The following CHODL variants were observed in gnomAD, a reference collection of about 807,000 sequenced individuals.
CHODL encodes the protein chondrolectin, also known as transmembrane protein MT75.
In CHODL, 29 loss-of-function variants were observed where a neutral mutation model predicts 34.5. That is an observed-to-expected ratio of 0.84 (90% confidence interval 0.63 to 1.15). The LOEUF (loss-of-function observed/expected upper bound fraction) is 1.15. Ranked by LOEUF, CHODL falls within the 50% of genes most tolerant of loss-of-function variation. CHODL has a pLI of 0.00. For missense variants in CHODL, 332 were observed against 332.5 expected (o/e 1.00, Z 0.01); for synonymous variants, 125 against 116.1 (o/e 1.08, Z -0.49).
chr21:18,215,428 G>GAC (rs1321981207), intron 2 of CHODL, among the ~76,000 whole-genome samples: 3 of 152,124 alleles, frequency 2.0e-5, no homozygotes, highest in Non-Finnish European at 2.9e-5. Flanking sequence ...ACATAGCAGA[G>GAC]AGATATATAA....
In CHODL at chr21:18,260,196, A is replaced by G. The variant is rs202029428; in HGVS notation, c.548-4A>G. The G allele has an allele frequency of 1.7e-5, 25 of 1,485,650 alleles. No individual in the cohort carries two copies. The East Asian group carries it at 5.7e-4, about 34-fold the overall frequency. The allele number at this position is 1,485,650 out of a possible 1,614,324, so 92.0% of individuals were successfully genotyped here. On this transcript the variant is annotated splice_polypyrimidine_tract_variant and splice_region_variant and intron_variant, in intron 3 of 5. Coordinates refer to ENST00000299295, the MANE Select transcript of CHODL (RefSeq NM_024944.3). The stretch of plus-strand genomic sequence containing the variant: ...TATATGATGGTGGTTCTTATTATTT[A>G]CAGAGATTAATCCAACAGCCCCTGT...
chr21:18,233,863 T>C (rs1228884066), intron 2 of CHODL, among the ~76,000 whole-genome samples: 3 of 152,154 alleles, frequency 2.0e-5, no homozygotes, highest in Admixed American at 6.5e-5. Context: ...TTTAAAAGTT[T>C]AAGCCAATAA....
intron 2 of CHODL, among the ~76,000 whole-genome samples, chr21:18,199,152 G>A (rs1235673237): frequency 6.6e-6 from 1 of 152,040 alleles, no homozygotes; most frequent in African/African-American, 2.4e-5. Flanking sequence ...AGATATCATA[G>A]TAACAGAACT....
At chr21:18,177,373 T>C (rs1410812756) in intron 2 of CHODL, among the ~76,000 whole-genome samples, 3 of 152,158 alleles carry the variant, frequency 2.0e-5, no homozygotes, top group Non-Finnish European at 4.4e-5. Flanking sequence ...CAGTTTCTTC[T>C]TACTCTAGAG....
At chr21:18,153,527 C>T (rs980899364) in intron 2 of CHODL, among the ~76,000 whole-genome samples, 1 of 152,050 alleles carries the variant, frequency 6.6e-6, no homozygotes, top group Non-Finnish European at 1.5e-5. Context: ...TTTAATGGCT[C>T]TTCTGCCTTT....
At chr21:18,156,175 A>G (rs1023708025) in intron 2 of CHODL, among the ~76,000 whole-genome samples, 3 of 152,200 alleles carry the variant, frequency 2.0e-5, no homozygotes, top group African/African-American at 7.2e-5. Context: ...GAAATTTTGC[A>G]CGGGTAAAAA....
chr21:18,017,773 C>T (rs1232726502), intron 1 of CHODL, among the ~76,000 whole-genome samples: 1 of 152,218 alleles, frequency 6.6e-6, no homozygotes, highest in East Asian at 1.9e-4. Flanking sequence ...GGGCTGCCAC[C>T]TTCCAGAACC....
intron 2 of CHODL, among the ~76,000 whole-genome samples, chr21:18,234,398 G>A (rs1445868878): frequency 6.6e-6 from 1 of 152,004 alleles, no homozygotes; most frequent in Non-Finnish European, 1.5e-5. Context: ...GGCACAGCTG[G>A]CGTTTAAGCC....
At chr21:18,109,167 ACTTAT>A (rs933235517) in intron 2 of CHODL, among the ~76,000 whole-genome samples, 3 of 152,116 alleles carry the variant, frequency 2.0e-5, no homozygotes, top group African/African-American at 4.8e-5. Context: ...TGTAGGGATG[ACTTAT>A]ATTATTTATT....
chr21:18,125,933 C>T (rs1422708720), intron 2 of CHODL, among the ~76,000 whole-genome samples: 1 of 152,124 alleles, frequency 6.6e-6, no homozygotes, highest in Non-Finnish European at 1.5e-5. Flanking sequence ...AGGTAAAATG[C>T]TATCAAACAG....
intron 2 of CHODL, among the ~76,000 whole-genome samples, chr21:18,048,049 A>ATG (rs1475740093): frequency 6.6e-6 from 1 of 151,886 alleles, no homozygotes; most frequent in African/African-American, 2.4e-5. Context: ...AGCACCTACT[A>ATG]TGTCCTGTGC....
intron 2 of CHODL, among the ~76,000 whole-genome samples, chr21:18,155,856 C>T (rs990796656): frequency 2.6e-5 from 4 of 152,146 alleles, no homozygotes; most frequent in Admixed American, 1.3e-4. Context: ...GCATAAATTG[C>T]TAAGCAATGC....
chr21:18,093,700 C>G (rs2065102618), intron 2 of CHODL, among the ~76,000 whole-genome samples: 1 of 152,006 alleles, frequency 6.6e-6, no homozygotes, highest in Admixed American at 6.6e-5. Context: ...ATTTGGAAGT[C>G]TTGTAGTAAC....
chr21:18,147,317 A>T (rs557785304), intron 2 of CHODL, among the ~76,000 whole-genome samples: 10 of 152,290 alleles, frequency 6.6e-5, no homozygotes, highest in African/African-American at 2.4e-4. Context: ...AGTAGCTAGA[A>T]TCTACCACAT....
In CHODL at chr21:18,059,551, C is replaced by T. The variant is rs552614368; in HGVS notation, c.-45+31580C>T. 6.0e-5 allele frequency among the ~76,000 whole-genome samples: 9 copies of T among 149,408 alleles called. 1 individual carries two copies. The South Asian group carries it at 1.9e-3, about 31-fold the overall frequency. ...TCTGGGGTTACATATGCAGGATGTG[C>T]AGGTTTGTTACATGGGTAAACGTGC... On this transcript the variant is annotated intron_variant, in intron 2 of 6. Transcript: ENST00000400127.
intron 1 of CHODL, among the ~76,000 whole-genome samples, chr21:17,936,907 C>T (rs1332654716): frequency 1.3e-5 from 2 of 151,872 alleles, no homozygotes; most frequent in Non-Finnish European, 2.9e-5. Context: ...ATCTCTTTCT[C>T]TACTAAAAAT....
In CHODL at chr21:18,257,757, A is replaced by G. The variant is rs116200566; in HGVS notation, c.547+630A>G. Reference sequence around the variant, plus strand: ...CTACTTGTCATATGCAGCAAATGGGAATCTTACATTGACTTGAGCTATACT... The same window carrying G: ...CTACTTGTCATATGCAGCAAATGGGGATCTTACATTGACTTGAGCTATACT... On this transcript the variant is annotated intron_variant, in intron 3 of 5. Transcript: ENST00000299295. 8.4e-3 allele frequency among the ~76,000 whole-genome samples: 1,279 copies of G among 152,276 alleles called. 12 individuals carry two copies. Among genetic ancestry groups the G allele is most frequent in the African/African-American group, 0.029 (1,221 of 41,568 alleles).
chr21:18,253,431 C>T (rs994420432), intron 1 of CHODL, among the ~76,000 whole-genome samples: 17 of 151,752 alleles, frequency 1.1e-4, no homozygotes, highest in African/African-American at 3.4e-4. Flanking sequence ...AGTGAAAAAT[C>T]GAACAAGTTA....
chr21:18,032,201 G>A (rs963531680), intron 2 of CHODL, among the ~76,000 whole-genome samples: 2 of 152,056 alleles, frequency 1.3e-5, no homozygotes, highest in African/African-American at 4.8e-5. Flanking sequence ...AAATTGCTAG[G>A]AGAGTAGATC....
Sources: gnomAD v4.1 joint callset for allele counts (sites outside exome capture counted in the v4.1 genomes callset) on GRCh38, gnomAD v4.1.1 for gene constraint, MANE v1.5 for transcripts, NCBI Gene and HGNC (gene_info 2026-07-23, HGNC 2026-07-21) for gene names.